BEAN1: variants seen among roughly 807,000 people sequenced by gnomAD.
BEAN1 encodes brain expressed associated with NEDD4 1, also known as protein BEAN1.
A neutral mutation model predicts 17.7 loss-of-function variants in BEAN1; 17 were observed. The ratio of observed to expected loss-of-function variants is 0.96; its 90% CI spans 0.66 to 1.44. BEAN1 has a LOEUF of 1.44. Ranked by LOEUF, BEAN1 falls within the 40% of genes most tolerant of loss-of-function variation. The pLI is 0.00. For missense variants in BEAN1, 359 were observed against 374.1 expected (o/e 0.96, Z 0.33); for synonymous variants, 142 against 151.8 (o/e 0.94, Z 0.47).
At chr16:66,447,490 G>A (rs1005682113) in intron 2 of BEAN1, among the ~76,000 whole-genome samples, 1 of 152,138 alleles carries the variant, frequency 6.6e-6, no homozygotes, top group African/African-American at 2.4e-5. Context: ...TTATCCTACA[G>A]TGACTGTTGC....
At position 66,473,657 on chromosome 16, in the gene BEAN1, A is replaced by G. The variant is rs1050324123; in HGVS notation, c.289+3792A>G. On this transcript the variant is annotated intron_variant, in intron 3 of 4. Transcript: ENST00000536005. This position sits in a 1 kb window ranked among gnomAD's most constrained non-coding sequence, Gnocchi z 4.5. ...GGCTGCAGTGAGCTACGATCACACC[A>G]TTGCACTCCAGCCTGAGCAACAGAG... 2.3e-4 allele frequency among the ~76,000 whole-genome samples: 35 copies of G among 152,106 alleles called. No individual in the cohort carries two copies. The highest frequency in any genetic ancestry group is 8.4e-4 in the African/African-American group (35 of 41,456).
chr16:66,480,449 A>T lies in BEAN1; in HGVS notation c.441-137A>T, dbSNP rs1963941474. 6 of 663,060 alleles carry T rather than the reference A, an allele frequency of 9.0e-6. No individual in the cohort carries two copies. In the Admixed American group the frequency reaches 1.7e-4, roughly 18 times the overall value. 41.1% of individuals were successfully genotyped at this position (663,060 alleles called of 1,614,324 possible). On this transcript the variant is annotated intron_variant, in intron 4 of 4. Coordinates refer to ENST00000536005, the MANE Select transcript of BEAN1 (RefSeq NM_001178020.3). ...AGATGGAGGGAAGTAGCAGGGTTTC[A>T]TTGGAGCCAGCGTGGACAAGGCCCA...
rs574232544 is a variant in BEAN1, at chr16:66,456,237, C to T, written c.26-13365C>T. ...CTGGGTGGGATAGCTGATGAAAATTCGCAGCATTCATGAATTTAACATTTT... is the reference window on the plus strand; with the variant it reads ...CTGGGTGGGATAGCTGATGAAAATTTGCAGCATTCATGAATTTAACATTTT... On this transcript the variant is annotated intron_variant, in intron 2 of 4. Coordinates refer to ENST00000536005, the MANE Select transcript of BEAN1 (RefSeq NM_001178020.3). Among the ~76,000 whole-genome samples the T allele has an allele frequency of 9.2e-5, 14 of 152,270 alleles. No homozygotes were observed. In the South Asian group the frequency reaches 1.7e-3, roughly 18 times the overall value.
At position 66,480,731 on chromosome 16, in the gene BEAN1, G is replaced by A. The variant is rs1963954378; in HGVS notation, c.586G>A (p.Glu196Lys). 1.3e-6 allele frequency: 2 copies of A among 1,551,638 alleles called. No individual in the cohort carries two copies. The highest frequency in any genetic ancestry group is 2.4e-5 in the East Asian group (1 of 40,924). Residue 196 changes from glutamate (E) to lysine (K), a missense_variant, in exon 5 of 5, where the codon GAG becomes AAG. Transcript: ENST00000536005. ...CCACAGCCCTGGCCGACACCAGCAG[G>A]AGCAGAGGACCCCGGCCCAAGGTGG... ...SGHSPGRHQQ[E>K]QRTPAQGGLH...
At chr16:66,476,816 C>A (rs1963766876) in intron 3 of BEAN1, among the ~76,000 whole-genome samples, 1 of 152,178 alleles carries the variant, frequency 6.6e-6, no homozygotes, top group Non-Finnish European at 1.5e-5. Context: ...GCTGGACAGG[C>A]ACAGTTAAAT....
At chr16:66,492,442 GTTTT>G (rs949800138) in intron 4 of BEAN1, among the ~76,000 whole-genome samples, 1 of 151,330 alleles carries the variant, frequency 6.6e-6, no homozygotes, top group Non-Finnish European at 1.5e-5. Context: ...CTCTTTTTGC[GTTTT>G]TTTGTTTTTT....
At chr16:66,464,129 A>C (rs146022447) in intron 2 of BEAN1, among the ~76,000 whole-genome samples, 118 of 152,288 alleles carry the variant, frequency 7.7e-4, no homozygotes, top group African/African-American at 2.7e-3. Flanking sequence ...TTTTCACATG[A>C]ATTTTAAGAT....
intron 4 of BEAN1, among the ~76,000 whole-genome samples, chr16:66,491,366 A>C (rs1197547324): frequency 2.0e-5 from 3 of 152,214 alleles, no homozygotes; most frequent in Non-Finnish European, 4.4e-5. Context: ...TGGAGGAAGG[A>C]AATCAGGTCC....
intron 2 of BEAN1, among the ~76,000 whole-genome samples, chr16:66,466,867 C>A (rs950182610): frequency 6.6e-6 from 1 of 152,242 alleles, no homozygotes; most frequent in Non-Finnish European, 1.5e-5. Context: ...CTGCGCCCAG[C>A]CTGCATCTCA....
intron 1 of BEAN1, among the ~76,000 whole-genome samples, chr16:66,429,719 C>G (rs1270559296): frequency 6.6e-6 from 1 of 152,200 alleles, no homozygotes; most frequent in African/African-American, 2.4e-5. Flanking sequence ...CCTCCCCTTC[C>G]CCATTCACCC....
intron 2 of BEAN1, among the ~76,000 whole-genome samples, chr16:66,461,291 T>C (rs1371963257): frequency 6.6e-6 from 1 of 152,152 alleles, no homozygotes; most frequent in Non-Finnish European, 1.5e-5. Flanking sequence ...AGAATTTCCC[T>C]CATAATTTAA....
At chr16:66,445,870 C>G (rs1414446299) in intron 2 of BEAN1, among the ~76,000 whole-genome samples, 1 of 152,028 alleles carries the variant, frequency 6.6e-6, no homozygotes, top group African/African-American at 2.4e-5. Context: ...CAGTTGGAAG[C>G]AAGTAGACCA....
At chr16:66,451,456 A>G (rs1284685832) in intron 2 of BEAN1, 2 of 152,184 alleles carry the variant, frequency 1.3e-5, no homozygotes, top group African/African-American at 4.8e-5. Flanking sequence ...ATATAGTCCA[A>G]TGTATCCATT....
Position 66,477,724 on chromosome 16 carries a change from A to G in BEAN1, c.440+14A>G, listed in dbSNP as rs11075636. 304,175 of 1,532,742 alleles carry G rather than the reference A, an allele frequency of 0.2. 38,808 individuals are homozygous for G. The highest frequency in any genetic ancestry group is 0.57 in the African/African-American group (41,390 of 72,220). The allele number at this position is 1,532,742 out of a possible 1,614,324, so 94.9% of individuals were successfully genotyped here. A position where few individuals can be genotyped will look rare whatever the true frequency, so the allele number is the denominator to read the frequency against. On this transcript the variant is annotated intron_variant, in intron 4 of 4. Transcript: ENST00000536005. The stretch of plus-strand genomic sequence containing the variant: ...TTCTCCACCAGGGTAAGGAGGCCTC[A>G]TGGGGAAGGGGGCATCAGAGGATGG...
chr16:66,453,272 C>T (rs1278972666), intron 2 of BEAN1, among the ~76,000 whole-genome samples: 1 of 151,986 alleles, frequency 6.6e-6, no homozygotes, highest in Admixed American at 6.6e-5. Flanking sequence ...CTATGAATTT[C>T]CCACTAAGCA....
intron 4 of BEAN1, among the ~76,000 whole-genome samples, chr16:66,488,009 G>T (rs747913855): frequency 6.6e-6 from 1 of 152,176 alleles, no homozygotes; most frequent in Admixed American, 6.5e-5. Flanking sequence ...GAGAAGCAAG[G>T]CTGACTCCAG....
chr16:66,455,836 G>A (rs1424228373), intron 2 of BEAN1, among the ~76,000 whole-genome samples: 2 of 152,066 alleles, frequency 1.3e-5, no homozygotes, highest in Non-Finnish European at 2.9e-5. Context: ...ACAGGCACAC[G>A]CCACCATGCC....
chr16:66,482,766 A>G lies in BEAN1; in HGVS notation c.*1841A>G, dbSNP rs1964025067. 5 of 428,474 alleles carry G rather than the reference A, an allele frequency of 1.2e-5. No homozygotes were observed. Among genetic ancestry groups the G allele is most frequent in the Non-Finnish European group, 2.3e-5 (5 of 217,008 alleles). The allele number at this position is 428,474 out of a possible 1,614,324, so 26.5% of individuals were successfully genotyped here. On this transcript the variant is annotated 3_prime_UTR_variant, in exon 5 of 5. Transcript: ENST00000536005. ...TGGACTAGGCAATGAATAAGCAACA[A>G]TGTATCTTTTCTGTGTTCAAAATAA...
rs902884408 is a variant in BEAN1 at position 66,471,418 on chromosome 16, G to A, written c.289+1553G>A. Among the ~76,000 whole-genome samples, 2 of 152,204 alleles carry A rather than the reference G, an allele frequency of 1.3e-5. No homozygotes were observed. Among genetic ancestry groups the A allele is most frequent in the South Asian group, 2.1e-4 (1 of 4,828 alleles). ...TGACCTGGCACCCACAGGCTGCCCC[G>A]CTGCACAGCACTGCCCAGGAAGGGA... On this transcript the variant is annotated intron_variant, in intron 3 of 4. Transcript: ENST00000536005. The surrounding 1 kb of genome is among the most constrained non-coding windows in gnomAD (Gnocchi z 4.7).
Sources: gnomAD v4.1 joint callset for allele counts (sites outside exome capture counted in the v4.1 genomes callset) on GRCh38, gnomAD v4.1.1 for gene constraint, Gnocchi (gnomAD v3.1) non-coding constraint, MANE v1.5 for transcripts, NCBI Gene and HGNC (gene_info 2026-07-23, HGNC 2026-07-21) for gene names.